The following FRMD3 variants were observed in gnomAD, a reference collection of about 807,000 sequenced individuals.
The protein encoded by FRMD3 is FERM domain-containing protein 3.
Under a neutral mutation model 70.2 loss-of-function variants are expected in FRMD3, and 33 were observed. The observed-to-expected ratio is 0.47, with a 90% CI of 0.36 to 0.63. FRMD3 has a LOEUF of 0.63. Ranked by LOEUF, FRMD3 falls within the 20% of genes least tolerant of loss-of-function variation. FRMD3 has a pLI of 0.00. For synonymous variants in FRMD3, 279 were observed against 255.9 expected (o/e 1.09, Z -0.86); for missense variants, 632 against 711.4 (o/e 0.89, Z 1.27).
intron 6 of FRMD3, among the ~76,000 whole-genome samples, chr9:83,322,465 T>A (rs940952226): frequency 6.6e-6 from 1 of 152,072 alleles, no homozygotes; most frequent in South Asian, 2.1e-4. Context: ...CCTAGGGGTA[T>A]GTAGGAGCAC....
intron 1 of FRMD3, among the ~76,000 whole-genome samples, chr9:83,426,714 T>C (rs12235233): frequency 0.13 from 19,236 of 152,128 alleles, 1,428 homozygotes; most frequent in South Asian, 0.29. Flanking sequence ...CTTGCAGAGA[T>C]CAACATGCCT....
At chr9:83,334,030 C>T (rs182227641) in intron 6 of FRMD3, among the ~76,000 whole-genome samples, 69 of 152,102 alleles carry the variant, frequency 4.5e-4, no homozygotes, top group Non-Finnish European at 8.1e-4. Flanking sequence ...AGAGGCCCTG[C>T]AAATTCAGGG....
chr9:83,488,036 C>A (rs1009438363), intron 1 of FRMD3, among the ~76,000 whole-genome samples: 7 of 152,146 alleles, frequency 4.6e-5, no homozygotes, highest in East Asian at 1.9e-4. Flanking sequence ...TAGAAATAGA[C>A]CCCCCAAGCT....
At chr9:83,273,567 C>T (rs922628303) in intron 13 of FRMD3, among the ~76,000 whole-genome samples, 1 of 149,148 alleles carries the variant, frequency 6.7e-6, no homozygotes, top group African/African-American at 2.5e-5. Flanking sequence ...ACCTTCCCTC[C>T]ACTATTGTCC....
the FRMD3 span, among the ~76,000 whole-genome samples, chr9:83,564,380 A>G: frequency 1.3e-5 from 2 of 152,218 alleles, no homozygotes; most frequent in Non-Finnish European, 2.9e-5. Context: ...ATATATGCCA[A>G]GCTCTAGGGA....
intron 1 of FRMD3, among the ~76,000 whole-genome samples, chr9:83,443,723 C>G (rs1165320233): frequency 6.6e-6 from 1 of 152,106 alleles, no homozygotes; most frequent in Non-Finnish European, 1.5e-5. Context: ...CACACTGTCC[C>G]CCACAATTGT....
chr9:83,303,965 A>G (rs1382565470), intron 10 of FRMD3, among the ~76,000 whole-genome samples: 1 of 152,162 alleles, frequency 6.6e-6, no homozygotes, highest in Non-Finnish European at 1.5e-5. Context: ...GCCATTTTAG[A>G]TATTTCATTT....
At chr9:83,493,418 T>C (rs1282609150) in intron 1 of FRMD3, among the ~76,000 whole-genome samples, 1 of 152,198 alleles carries the variant, frequency 6.6e-6, no homozygotes, top group African/African-American at 2.4e-5. Flanking sequence ...GATCTGTGCA[T>C]TCCTGTAGTC....
At chr9:83,489,015 T>TGTGTGTGTGCGC (rs539396863) in intron 1 of FRMD3, among the ~76,000 whole-genome samples, 26 of 131,704 alleles carry the variant, frequency 2.0e-4, no homozygotes, top group South Asian at 6.9e-4. Context: ...TGTGTGTGTG[T>TGTGTGTGTGCGC]GCTTGTGTGT....
At chr9:83,520,970 CAA>C (rs144061788) in intron 1 of FRMD3, among the ~76,000 whole-genome samples, 131 of 56,146 alleles carry the variant, frequency 2.3e-3, no homozygotes, top group African/African-American at 7.5e-3. Context: ...ACTAAAAATA[CAA>C]AAAAAAAAAA....
At chr9:83,381,460 G>A (rs1426993866) in intron 2 of FRMD3, among the ~76,000 whole-genome samples, 2 of 152,034 alleles carry the variant, frequency 1.3e-5, no homozygotes, top group African/African-American at 2.4e-5. Context: ...GGAGGCTGAG[G>A]CAGGAGAATT....
intron 2 of FRMD3, among the ~76,000 whole-genome samples, chr9:83,388,538 C>T (rs1396564653): frequency 6.6e-6 from 1 of 152,054 alleles, no homozygotes; most frequent in Admixed American, 6.5e-5. Context: ...TGGAGATCCC[C>T]AGGGGTCATT....
At chr9:83,341,204 T>G (rs1483978297) in intron 5 of FRMD3, among the ~76,000 whole-genome samples, 1 of 152,196 alleles carries the variant, frequency 6.6e-6, no homozygotes, top group African/African-American at 2.4e-5. Flanking sequence ...TTGCTATAAA[T>G]GACCACAGAC....
intron 13 of FRMD3, among the ~76,000 whole-genome samples, chr9:83,280,284 C>T (rs899830372): frequency 2.6e-5 from 4 of 152,200 alleles, no homozygotes; most frequent in Admixed American, 6.5e-5. Flanking sequence ...ATGCTCTTCC[C>T]GCCACCAGAG....
chr9:83,455,670 A>G (rs1338054876), intron 1 of FRMD3, among the ~76,000 whole-genome samples: 4 of 152,216 alleles, frequency 2.6e-5, no homozygotes, highest in Non-Finnish European at 4.4e-5. Context: ...TGTGTTTTAA[A>G]TAGGTGTTTT....
chr9:83,449,323 G>A (rs999893311), intron 1 of FRMD3, among the ~76,000 whole-genome samples: 4 of 152,190 alleles, frequency 2.6e-5, no homozygotes, highest in African/African-American at 9.7e-5. Flanking sequence ...TGAGAGGCCT[G>A]CCCACTGCCT....
At chr9:83,562,090 T>G in the FRMD3 span, among the ~76,000 whole-genome samples, 809 of 152,296 alleles carry the variant, frequency 5.3e-3, 2 homozygotes, top group Non-Finnish European at 9.1e-3. Context: ...TTGCTCCTGG[T>G]CTTGGGAGGG....
intron 1 of FRMD3, chr9:83,467,747 T>A: frequency 6.0e-6 from 9 of 1,511,708 alleles, no homozygotes; most frequent in Non-Finnish European, 7.9e-6. Flanking sequence ...AGGGCTCCAA[T>A]CTAAGCTCGC....
intron 13 of FRMD3, among the ~76,000 whole-genome samples, chr9:83,287,481 C>A (rs1221706039): frequency 1.3e-5 from 2 of 152,130 alleles, no homozygotes; most frequent in African/African-American, 4.8e-5. Flanking sequence ...GATATCATTC[C>A]CATACCTGAA....
Sources: allele counts gnomAD v4.1 joint callset (sites outside exome capture counted in the v4.1 genomes callset), GRCh38; gene constraint gnomAD v4.1.1; transcripts MANE v1.5; gene names NCBI Gene and HGNC (gene_info 2026-07-23, HGNC 2026-07-21).